DAB1: variants seen among roughly 807,000 people sequenced by gnomAD.
The protein encoded by DAB1 is DAB adaptor protein 1, also known as disabled homolog 1.
DAB1 carries 15 observed loss-of-function variants against 64.6 expected under a neutral mutation model. The observed-to-expected ratio is 0.23, with a 90% CI of 0.16 to 0.36. DAB1 has a LOEUF of 0.36. DAB1 is among the 10% of genes least tolerant of loss of function. The pLI, the probability that DAB1 is intolerant of heterozygous loss-of-function variation, is 1.00. For missense variants in DAB1, 596 were observed against 706.7 expected, an observed-to-expected ratio of 0.84 and a Z score of 1.78; for synonymous variants, 235 against 251.9, an observed-to-expected ratio of 0.93 and a Z score of 0.64.
At chr1:57,260,961 A>G (rs769586954) in intron 2 of DAB1, among the ~76,000 whole-genome samples, 1 of 152,182 alleles carries the variant, frequency 6.6e-6, no homozygotes, top group Non-Finnish European at 1.5e-5. Context: ...GCCTTGGGCA[A>G]GTTATTAACC....
chr1:58,036,396 G>A (rs896049538), intron 5 of DAB1, among the ~76,000 whole-genome samples: 3 of 152,096 alleles, frequency 2.0e-5, no homozygotes, highest in Non-Finnish European at 2.9e-5. Context: ...CTGGTTGAGC[G>A]TGCCCTGCCA....
At chr1:58,438,946 G>A (rs957887358) in intron 3 of DAB1, among the ~76,000 whole-genome samples, 1 of 152,172 alleles carries the variant, frequency 6.6e-6, no homozygotes, top group Non-Finnish European at 1.5e-5. Context: ...ACCTAAGACA[G>A]TCACTATGGG....
intron 7 of DAB1, among the ~76,000 whole-genome samples, chr1:57,461,105 G>A (rs1686765703): frequency 6.6e-6 from 1 of 152,170 alleles, no homozygotes; most frequent in Non-Finnish European, 1.5e-5. Flanking sequence ...TAGAGTACAA[G>A]TGCTGCTAAC....
intron 5 of DAB1, among the ~76,000 whole-genome samples, chr1:57,927,961 TA>T (rs1402148993): frequency 6.6e-6 from 1 of 152,358 alleles, no homozygotes; most frequent in East Asian, 1.9e-4. Context: ...CAATCCATGT[TA>T]TTTTTTCATG....
chr1:57,685,383 C>T (rs554925991), intron 6 of DAB1, among the ~76,000 whole-genome samples: 5 of 152,058 alleles, frequency 3.3e-5, no homozygotes, highest in Non-Finnish European at 7.4e-5. Context: ...TATACATGCA[C>T]TCAACGATTG....
intron 4 of DAB1, among the ~76,000 whole-genome samples, chr1:58,328,779 T>G (rs1345380881): frequency 2.6e-5 from 4 of 152,156 alleles, no homozygotes; most frequent in African/African-American, 4.8e-5. Flanking sequence ...CTAATTTTTG[T>G]ATTTTTGGTA....
At chr1:57,768,989 G>T (rs1649442485) in intron 6 of DAB1, among the ~76,000 whole-genome samples, 2 of 152,066 alleles carry the variant, frequency 1.3e-5, no homozygotes, top group South Asian at 4.2e-4. Context: ...CTTCCAGGGT[G>T]ACTTGGCCCC....
At chr1:57,199,490 C>T (rs1043060135) in intron 2 of DAB1, among the ~76,000 whole-genome samples, 2 of 152,150 alleles carry the variant, frequency 1.3e-5, no homozygotes, top group Admixed American at 1.3e-4. Context: ...AAAACTATCA[C>T]ACTGGGGGAA....
At chr1:58,528,059 CAT>C (rs1319141513) in intron 1 of DAB1, among the ~76,000 whole-genome samples, 6 of 152,228 alleles carry the variant, frequency 3.9e-5, no homozygotes, top group African/African-American at 7.2e-5. Flanking sequence ...AAGGTAGCCA[CAT>C]GTCTGTGATG....
chr1:58,461,028 GA>G (rs1425892680), intron 3 of DAB1, among the ~76,000 whole-genome samples: 1 of 152,206 alleles, frequency 6.6e-6, no homozygotes, highest in East Asian at 1.9e-4. Flanking sequence ...CTAGAGCTGA[GA>G]AAAGATTATG....
At chr1:57,535,960 C>T (rs181579393) in intron 7 of DAB1, among the ~76,000 whole-genome samples, 322 of 152,278 alleles carry the variant, frequency 2.1e-3, no homozygotes, top group African/African-American at 7.1e-3. Context: ...CCCTTTGCTC[C>T]CCTTAGATAC....
intron 5 of DAB1, among the ~76,000 whole-genome samples, chr1:58,049,578 A>G (rs930050254): frequency 3.9e-5 from 6 of 152,192 alleles, no homozygotes; most frequent in African/African-American, 1.4e-4. Context: ...GATTAGCTGG[A>G]GAAAATTATT....
chr1:57,204,692 T>C (rs1665398864), intron 2 of DAB1, among the ~76,000 whole-genome samples: 3 of 152,202 alleles, frequency 2.0e-5, no homozygotes, highest in Admixed American at 6.5e-5. Context: ...AAAGACTTCG[T>C]TGGAATTGTG....
At chr1:57,187,215 C>T (rs1324219273) in intron 2 of DAB1, among the ~76,000 whole-genome samples, 2 of 152,168 alleles carry the variant, frequency 1.3e-5, no homozygotes, top group East Asian at 1.9e-4. Context: ...TTCCTTTGAC[C>T]ACTAGGAAGC....
chr1:58,128,238 A>G (rs1233355955), intron 5 of DAB1, among the ~76,000 whole-genome samples: 2 of 151,300 alleles, frequency 1.3e-5, no homozygotes, highest in South Asian at 2.1e-4. Flanking sequence ...ATGGGAATTC[A>G]CTCATGATTT....
At chr1:58,393,416 A>G (rs1644492823) in intron 3 of DAB1, among the ~76,000 whole-genome samples, 2 of 152,232 alleles carry the variant, frequency 1.3e-5, no homozygotes, top group South Asian at 2.1e-4. Context: ...CATTACGCTA[A>G]GAGTTTTATA....
chr1:58,533,888 A>G, intron 1 of DAB1: 1 of 819,430 alleles, frequency 1.2e-6, no homozygotes, highest in Non-Finnish European at 2.2e-6. Flanking sequence ...CAGTTCTTTA[A>G]AAGATTTAAC....
chr1:58,122,032 A>G (rs1379759531), intron 5 of DAB1, among the ~76,000 whole-genome samples: 1 of 152,190 alleles, frequency 6.6e-6, no homozygotes, highest in African/African-American at 2.4e-5. Flanking sequence ...GTCATGTAAC[A>G]ATATGATAAA....
chr1:57,754,715 A>G (rs1648720750), intron 6 of DAB1, among the ~76,000 whole-genome samples: 1 of 152,044 alleles, frequency 6.6e-6, no homozygotes, highest in Non-Finnish European at 1.5e-5. Context: ...CAAACAAAAC[A>G]AACAAACAAA....
Sources: gnomAD v4.1 joint callset for allele counts (sites outside exome capture counted in the v4.1 genomes callset) on GRCh38, gnomAD v4.1.1 for gene constraint, MANE v1.5 for transcripts, NCBI Gene and HGNC (gene_info 2026-07-23, HGNC 2026-07-21) for gene names.